The following HEATR4 variants were observed in gnomAD, a reference collection of about 807,000 sequenced individuals.
The protein encoded by HEATR4 is HEAT repeat-containing protein 4.
In HEATR4, 95 loss-of-function variants were observed where a neutral mutation model predicts 108.8. That is an observed-to-expected ratio of 0.87 (90% CI 0.74 to 1.04). HEATR4 has a LOEUF of 1.04. HEATR4 is among the 50% of genes least tolerant of loss of function. The pLI is 0.00. For synonymous variants in HEATR4, 443 were observed against 459.4 expected, an observed-to-expected ratio of 0.96 and a Z score of 0.46; for missense variants, 1,152 against 1,253.8, an observed-to-expected ratio of 0.92 and a Z score of 1.23.
the HEATR4 span, among the ~76,000 whole-genome samples, chr14:73,590,535 A>T: frequency 6.6e-6 from 1 of 152,180 alleles, no homozygotes; most frequent in Admixed American, 6.5e-5. Context: ...CAGGGAGCGG[A>T]GCTCGTTGAG....
At chr14:73,619,940 A>G in the HEATR4 span, 1 of 1,222,580 alleles carries the variant, frequency 8.2e-7, no homozygotes. Flanking sequence ...TTTTTCCTGT[A>G]TCACTCTGTC....
At chr14:73,595,464 G>C in the HEATR4 span, 1 of 1,614,134 alleles carries the variant, frequency 6.2e-7, no homozygotes, top group Non-Finnish European at 8.5e-7. Flanking sequence ...CCTGGGACTG[G>C]GCATTACATC....
intron 1 of HEATR4, among the ~76,000 whole-genome samples, chr14:73,556,011 A>C (rs1271371741): frequency 8.7e-6 from 1 of 114,930 alleles, no homozygotes; most frequent in Non-Finnish European, 1.9e-5. Context: ...ATCTCAAAAA[A>C]AAAGGAGTGA....
At chr14:73,510,423 T>A (rs567035009) in intron 7 of HEATR4, among the ~76,000 whole-genome samples, 4 of 145,094 alleles carry the variant, frequency 2.8e-5, no homozygotes, top group Non-Finnish European at 6.1e-5. Context: ...TTGGCTGGAG[T>A]TTTTTTGTTT....
chr14:73,491,052 GGCGCGGGCGGCCGAA>G, intron 17 of HEATR4: 1 of 1,590,016 alleles, frequency 6.3e-7, no homozygotes, highest in African/African-American at 1.4e-5. Flanking sequence ...GGGCCGTTGA[GGCGCGGGCGGCCGAA>G]GCGCCGGCGC....
chr14:73,541,567 C>T lies in HEATR4; in HGVS notation c.-151-11323G>A. The T allele has an allele frequency of 2.4e-6, 3 of 1,244,590 alleles. 1 individual carries two copies. The highest frequency in any genetic ancestry group is 3.2e-6 in the Non-Finnish European group (3 of 936,560). The allele number at this position is 1,244,590 out of a possible 1,614,324, so 77.1% of individuals were successfully genotyped here. On this transcript the variant is annotated intron_variant, in intron 1 of 17. Transcript: ENST00000553558. ...CCTGCTGGAGTATCGGGCTAGTCTG[C>T]TGGCTGGGAAGGGTTTTGCTGTGAT...
intron 17 of HEATR4, chr14:73,480,768 C>T (rs931334666): frequency 6.6e-6 from 1 of 152,170 alleles, no homozygotes; most frequent in African/African-American, 2.4e-5. Flanking sequence ...CTTGTAATCT[C>T]AGCACTTTGG....
chr14:73,578,181 AAAAAGCATCACAGGGGTTCAGATCACCT>A, the HEATR4 span, among the ~76,000 whole-genome samples: 1 of 151,986 alleles, frequency 6.6e-6, no homozygotes, highest in East Asian at 1.9e-4. Flanking sequence ...GAAAAATTTT[AAAAAGCATCACAGGGGTTCAGATCACCT>A]ATCAGCCTCT....
At chr14:73,505,994 G>A (rs927455063) in intron 10 of HEATR4, among the ~76,000 whole-genome samples, 1 of 149,748 alleles carries the variant, frequency 6.7e-6, no homozygotes, top group African/African-American at 2.5e-5. Context: ...GGGTTCAAGC[G>A]ATTCTCCTGC....
upstream of HEATR4, among the ~76,000 whole-genome samples, chr14:73,561,298 A>G (rs1024954043): frequency 1.3e-5 from 2 of 151,600 alleles, no homozygotes; most frequent in African/African-American, 4.8e-5. Context: ...CCCAGGAGGC[A>G]GAGGTTGCAG....
the HEATR4 span, among the ~76,000 whole-genome samples, chr14:73,573,819 C>T: frequency 6.6e-6 from 1 of 151,940 alleles, no homozygotes; most frequent in African/African-American, 2.4e-5. Flanking sequence ...CTCCACCTCC[C>T]AAGTTCAAGT....
At chr14:73,566,812 A>C in the HEATR4 span, among the ~76,000 whole-genome samples, 1 of 152,148 alleles carries the variant, frequency 6.6e-6, no homozygotes, top group Non-Finnish European at 1.5e-5. Flanking sequence ...AGGGCTTCTC[A>C]AGTGCCGCCA....
At chr14:73,506,804 G>GTTTTTTTTTTTTTTGTTTTTT (rs1268314395) in intron 9 of HEATR4, among the ~76,000 whole-genome samples, 2 of 80,522 alleles carry the variant, frequency 2.5e-5, no homozygotes, top group Non-Finnish European at 4.5e-5. Flanking sequence ...GACTTTAACT[G>GTTTTTTTTTTTTTTGTTTTTT]TTTTTTTTTT....
the HEATR4 span, chr14:73,593,730 C>T: frequency 6.2e-7 from 1 of 1,612,986 alleles, no homozygotes; most frequent in Non-Finnish European, 8.5e-7. Context: ...GGATCATTGA[C>T]ATCTTTGGTA....
the HEATR4 span, among the ~76,000 whole-genome samples, chr14:73,618,483 GAGA>G: frequency 4.4e-4 from 67 of 151,508 alleles, 2 homozygotes; most frequent in African/African-American, 1.5e-3. Flanking sequence ...AGTGATGGAA[GAGA>G]AGGAGTGTGG....
At chr14:73,608,994 C>A in the HEATR4 span, among the ~76,000 whole-genome samples, 2 of 152,184 alleles carry the variant, frequency 1.3e-5, no homozygotes, top group Admixed American at 1.3e-4. Context: ...CTAACCACCC[C>A]CATGATTCAA....
chr14:73,528,077 A>T (rs1888452898), intron 2 of HEATR4, among the ~76,000 whole-genome samples: 1 of 151,968 alleles, frequency 6.6e-6, no homozygotes, highest in East Asian at 1.9e-4. Flanking sequence ...AAAGAATACC[A>T]TATTACCATT....
At chr14:73,593,404 T>G in the HEATR4 span, among the ~76,000 whole-genome samples, 1 of 137,002 alleles carries the variant, frequency 7.3e-6, no homozygotes, top group Non-Finnish European at 1.5e-5. Context: ...AGTGGTGTGG[T>G]CACACCTCAC....
At chr14:73,592,356 G>A in the HEATR4 span, 7 of 1,589,182 alleles carry the variant, frequency 4.4e-6, no homozygotes, top group Non-Finnish European at 6.0e-6. Context: ...CCTCCCGCCA[G>A]GGGTGCGGCG....
Sources: allele counts gnomAD v4.1 joint callset (sites outside exome capture counted in the v4.1 genomes callset), GRCh38; gene constraint gnomAD v4.1.1; transcripts MANE v1.5; gene names NCBI Gene and HGNC (gene_info 2026-07-23, HGNC 2026-07-21).